GRM8: variants seen among roughly 807,000 people sequenced by gnomAD.
GRM8 encodes glutamate metabotropic receptor 8.
A neutral mutation model predicts 87.2 loss-of-function variants in GRM8; 47 were observed. The observed-to-expected ratio is 0.54, with a 90% CI of 0.43 to 0.69. The LOEUF is 0.69. Ranked by LOEUF, GRM8 falls within the 30% of genes least tolerant of loss-of-function variation. The pLI is 0.00. For missense variants in GRM8, 1,019 were observed against 1,139.2 expected (o/e 0.89, Z 1.52); for synonymous variants, 396 against 404.5 (o/e 0.98, Z 0.25).
At chr7:127,206,838 C>T (rs1795942095) in intron 2 of GRM8, among the ~76,000 whole-genome samples, 1 of 152,204 alleles carries the variant, frequency 6.6e-6, no homozygotes, top group Admixed American at 6.5e-5. Flanking sequence ...CTCGGACATT[C>T]CTAGAAGACT....
intron 3 of GRM8, among the ~76,000 whole-genome samples, chr7:127,015,828 G>T (rs1349331870): frequency 2.0e-5 from 3 of 152,138 alleles, no homozygotes; most frequent in Non-Finnish European, 2.9e-5. Flanking sequence ...AAAGAAATAA[G>T]CCCAACCAGC....
At chr7:127,169,135 G>C (rs1793633541) in intron 2 of GRM8, among the ~76,000 whole-genome samples, 1 of 151,750 alleles carries the variant, frequency 6.6e-6, no homozygotes, top group African/African-American at 2.4e-5. Context: ...AAAAAGCTGA[G>C]ACTGGCCGAA....
intron 7 of GRM8, 29 bp from the exon 8 acceptor site, chr7:126,609,527 A>C (rs1226762801): frequency 1.3e-6 from 2 of 1,586,752 alleles, no homozygotes; most frequent in Non-Finnish European, 1.7e-6. Flanking sequence ...CAATGTTAAT[A>C]AAGTTTTAGT....
intron 7 of GRM8, among the ~76,000 whole-genome samples, chr7:126,741,231 C>G (rs180856285): frequency 6.6e-6 from 1 of 150,954 alleles, no homozygotes; most frequent in African/African-American, 2.5e-5. Flanking sequence ...AATCTGTGTG[C>G]GTACGTGTGT....
chr7:126,689,575 A>G (rs1466449077), intron 7 of GRM8, among the ~76,000 whole-genome samples: 1 of 152,138 alleles, frequency 6.6e-6, no homozygotes, highest in Non-Finnish European at 1.5e-5. Context: ...GACTGCCAGT[A>G]GAGTGTATGT....
chr7:126,580,945 T>C (rs1366883221), intron 8 of GRM8, among the ~76,000 whole-genome samples: 1 of 147,160 alleles, frequency 6.8e-6, no homozygotes, highest in African/African-American at 2.4e-5. Context: ...CATTAAAGTC[T>C]CCAAGAGGTC....
At chr7:126,461,649 C>T (rs191610860) in intron 9 of GRM8, among the ~76,000 whole-genome samples, 18 of 151,644 alleles carry the variant, frequency 1.2e-4, no homozygotes, top group Admixed American at 2.6e-4. Flanking sequence ...TCCTTGTTCC[C>T]GTATCTGCCA....
chr7:126,717,896 A>G (rs1183618841), intron 7 of GRM8, among the ~76,000 whole-genome samples: 3 of 152,174 alleles, frequency 2.0e-5, no homozygotes, highest in Admixed American at 6.5e-5. Context: ...TCATAAGTAC[A>G]TAGTTAGATA....
intron 6 of GRM8, among the ~76,000 whole-genome samples, chr7:126,826,103 C>T (rs931970280): frequency 2.2e-4 from 34 of 152,074 alleles, no homozygotes; most frequent in Non-Finnish European, 4.1e-4. Context: ...GCCACATTTT[C>T]TTAATCCAGT....
chr7:126,843,251 T>G (rs1731836193), intron 6 of GRM8, among the ~76,000 whole-genome samples: 1 of 152,092 alleles, frequency 6.6e-6, no homozygotes, highest in Admixed American at 6.5e-5. Context: ...GTGTGCCTAG[T>G]ACATGGTAGA....
chr7:126,812,542 A>G (rs1218293264), intron 6 of GRM8, among the ~76,000 whole-genome samples: 1 of 152,040 alleles, frequency 6.6e-6, no homozygotes, highest in African/African-American at 2.4e-5. Flanking sequence ...TCATTGACCA[A>G]AACATTGTTA....
chr7:127,079,346 T>C (rs1822614384), intron 3 of GRM8, among the ~76,000 whole-genome samples: 1 of 152,152 alleles, frequency 6.6e-6, no homozygotes, highest in Non-Finnish European at 1.5e-5. Context: ...GGTCTCGAAC[T>C]CCTGACCCCA....
At chr7:126,799,178 T>A (rs1335257406) in intron 6 of GRM8, among the ~76,000 whole-genome samples, 1 of 152,058 alleles carries the variant, frequency 6.6e-6, no homozygotes, top group African/African-American at 2.4e-5. Flanking sequence ...AAATGCAGAT[T>A]CTCAGGGCCC....
intron 3 of GRM8, among the ~76,000 whole-genome samples, chr7:126,966,336 T>C (rs1343846137): frequency 2.0e-5 from 3 of 152,088 alleles, no homozygotes; most frequent in African/African-American, 7.2e-5. Flanking sequence ...GGCCTCACTA[T>C]GTTGTCCAGG....
intron 2 of GRM8, among the ~76,000 whole-genome samples, chr7:127,155,797 G>GA (rs1342845799): frequency 2.0e-5 from 3 of 152,130 alleles, no homozygotes; most frequent in Non-Finnish European, 2.9e-5. Flanking sequence ...AGTAGAGAAA[G>GA]ACAATGAAAT....
chr7:127,132,160 C>G (rs1013992965), intron 2 of GRM8, among the ~76,000 whole-genome samples: 1 of 152,144 alleles, frequency 6.6e-6, no homozygotes, highest in Non-Finnish European at 1.5e-5. Flanking sequence ...CAGGGTCTTG[C>G]TTTGTTAGAA....
intron 6 of GRM8, among the ~76,000 whole-genome samples, chr7:126,834,164 T>C (rs1795642735): frequency 6.6e-6 from 1 of 152,224 alleles, no homozygotes; most frequent in Non-Finnish European, 1.5e-5. Flanking sequence ...GTACTCAGTG[T>C]CCAATTCCCA....
chr7:126,443,427 T>C (rs1396468938), intron 10 of GRM8, among the ~76,000 whole-genome samples: 1 of 151,950 alleles, frequency 6.6e-6, no homozygotes, highest in Non-Finnish European at 1.5e-5. Context: ...TACCCTTTCA[T>C]TGTAGGATGG....
Position 127,182,635 on chromosome 7 carries a change from GTGTGTGTGTGTGT to G in GRM8, c.510+60047_510+60059del, listed in dbSNP as rs1563563601. On this transcript the variant is annotated intron_variant, in intron 2 of 10. Transcript: ENST00000339582. ...AATGAGTAGATAAAGAAAGTGTGGT[GTGTGTGTGTGTGT>G]GTGTGTGTGTGTGTGTGTGTGTGTG... is the stretch of plus-strand genomic sequence containing the variant. 2.9e-3 allele frequency among the ~76,000 whole-genome samples: 27 copies of G among 9,310 alleles called. No homozygotes were observed. The African/African-American group carries it at 0.032, about 11-fold the overall frequency. The allele number at this position is 9,310 out of a possible 152,430, so 6.1% of individuals were successfully genotyped here.
Sources: allele counts gnomAD v4.1 joint callset (sites outside exome capture counted in the v4.1 genomes callset), GRCh38; gene constraint gnomAD v4.1.1; transcripts MANE v1.5; gene names NCBI Gene and HGNC (gene_info 2026-07-23, HGNC 2026-07-21).